EDC3: variants seen among roughly 807,000 people sequenced by gnomAD.
EDC3 encodes enhancer of mRNA-decapping protein 3.
EDC3 carries 20 observed loss-of-function variants against 41.8 expected under a neutral mutation model. That is an observed-to-expected ratio of 0.48 (90% CI 0.34 to 0.70). The LOEUF (loss-of-function observed/expected upper bound fraction) is 0.70. Among genes scored for constraint, EDC3 ranks in the 30% least tolerant of loss-of-function variants. EDC3 has a pLI of 0.01. For synonymous variants in EDC3, 206 were observed against 243.2 expected, an observed-to-expected ratio of 0.85 and a Z score of 1.42; for missense variants, 444 against 636.8, an observed-to-expected ratio of 0.70 and a Z score of 3.26.
At chr15:74,650,413 G>A (rs968486298) in intron 4 of EDC3, among the ~76,000 whole-genome samples, 1 of 152,084 alleles carries the variant, frequency 6.6e-6, no homozygotes, top group African/African-American at 2.4e-5. Context: ...GCCTACCCAT[G>A]AATATCTTCC....
At chr15:74,694,907 G>C (rs1433436519) in intron 1 of EDC3, among the ~76,000 whole-genome samples, 1 of 151,420 alleles carries the variant, frequency 6.6e-6, no homozygotes, top group Non-Finnish European at 1.5e-5. Flanking sequence ...ACATCATACA[G>C]AGAAACTAGC....
chr15:74,685,610 G>A (rs923008133), intron 1 of EDC3, among the ~76,000 whole-genome samples: 2 of 152,134 alleles, frequency 1.3e-5, no homozygotes, highest in African/African-American at 4.8e-5. Flanking sequence ...ATATCTAAAT[G>A]TCTTGGCTCT....
At chr15:74,639,840 A>G (rs2062325731) in intron 5 of EDC3, 1 of 152,170 alleles carries the variant, frequency 6.6e-6, no homozygotes, top group Admixed American at 6.5e-5. Context: ...AGCCTGGGGC[A>G]ATAATATGGC....
chr15:74,640,754 G>A (rs1256209778), intron 4 of EDC3, 135 bp from the exon 5 acceptor site: 56 of 1,087,418 alleles, frequency 5.1e-5, no homozygotes, highest in Admixed American at 1.2e-4. Context: ...TTCATCTTCC[G>A]GGACTAAGGC....
At chr15:74,694,591 C>T (rs1304319073) in intron 1 of EDC3, among the ~76,000 whole-genome samples, 1 of 152,260 alleles carries the variant, frequency 6.6e-6, no homozygotes, top group Non-Finnish European at 1.5e-5. Context: ...CTGGCGTGAG[C>T]CACAGTGCCC....
At chr15:74,691,274 G>A (rs1007453294) in intron 1 of EDC3, among the ~76,000 whole-genome samples, 1 of 152,100 alleles carries the variant, frequency 6.6e-6, no homozygotes, top group African/African-American at 2.4e-5. Flanking sequence ...AGGGAATTAT[G>A]CCAATTATAC....
intron 5 of EDC3, chr15:74,636,925 A>G (rs1003834540): frequency 2.6e-5 from 4 of 151,622 alleles, no homozygotes; most frequent in African/African-American, 9.7e-5. Context: ...GAAGCAGAGC[A>G]TGGCATTCAC....
At chr15:74,670,259 C>T (rs2062724353) in intron 3 of EDC3, among the ~76,000 whole-genome samples, 1 of 151,866 alleles carries the variant, frequency 6.6e-6, no homozygotes, top group Non-Finnish European at 1.5e-5. Flanking sequence ...TTTTTTAAAA[C>T]AACATTCATA....
chr15:74,695,348 C>T (rs1476210911), intron 1 of EDC3: 1 of 152,224 alleles, frequency 6.6e-6, no homozygotes, highest in Non-Finnish European at 1.5e-5. Flanking sequence ...ACAAAGTGTA[C>T]TGAAAAGAAC....
At position 74,683,870 on chromosome 15, in the gene EDC3, A is replaced by G. The variant is rs149948489; in HGVS notation, c.-18-8728T>C. Reference sequence around the variant, plus strand: ...AAGGGGAGGGAAAGCTGGCATCTACAAAACAATTACAGCTAACATGATACT... The same window carrying G: ...AAGGGGAGGGAAAGCTGGCATCTACGAAACAATTACAGCTAACATGATACT... On this transcript the variant is annotated intron_variant, in intron 1 of 6. Transcript: ENST00000315127. 3.3e-5 allele frequency among the ~76,000 whole-genome samples: 5 copies of G among 152,236 alleles called. No individual in the cohort carries two copies. The East Asian group carries it at 9.6e-4, about 29-fold the overall frequency.
intron 1 of EDC3, among the ~76,000 whole-genome samples, chr15:74,689,269 G>A (rs2062974096): frequency 6.6e-6 from 1 of 152,086 alleles, no homozygotes; most frequent in South Asian, 2.1e-4. Flanking sequence ...AGTTCTTTCT[G>A]CTCCTCATCT....
intron 3 of EDC3, 111 bp from the exon 4 acceptor site, chr15:74,656,179 G>A: frequency 9.5e-7 from 1 of 1,052,770 alleles, no homozygotes; most frequent in Non-Finnish European, 1.4e-6. Context: ...TGTGAAAATG[G>A]TAAAGGTAAC....
intron 4 of EDC3, 157 bp from the exon 5 acceptor site, chr15:74,640,776 C>A: frequency 3.1e-5 from 25 of 804,748 alleles, no homozygotes; most frequent in Non-Finnish European, 4.1e-5. Context: ...CGCTCTGCAG[C>A]TCTGCAGAGC....
intron 1 of EDC3, among the ~76,000 whole-genome samples, chr15:74,683,781 A>G (rs1049827914): frequency 6.6e-6 from 1 of 152,224 alleles, no homozygotes; most frequent in Non-Finnish European, 1.5e-5. Flanking sequence ...AATCATGTAT[A>G]ATCATATCAA....
intron 4 of EDC3, chr15:74,641,872 A>G (rs182176221): frequency 6.5e-6 from 1 of 152,878 alleles, no homozygotes; most frequent in East Asian, 1.9e-4. Flanking sequence ...AGACATATAA[A>G]TGATGCAAAC....
rs1596326034 is a variant in EDC3 at position 74,675,164 on chromosome 15, C to G, written c.-18-22G>C. On this transcript the variant is annotated intron_variant, in intron 1 of 6. Coordinates refer to ENST00000315127, the MANE Select transcript of EDC3 (RefSeq NM_025083.5). ...ACCACTGTGAAGAGAAGGAACTATT[C>G]AGTGTGCCTTGGTGAAAAGACAAAC... is the stretch of plus-strand genomic sequence containing the variant. 3 of 1,604,264 alleles carry G rather than the reference C, an allele frequency of 1.9e-6. No individual in the cohort carries two copies. In the East Asian group the frequency reaches 6.7e-5, roughly 36 times the overall value.
chr15:74,658,626 A>AG (rs1228689723), intron 3 of EDC3, among the ~76,000 whole-genome samples: 2 of 91,074 alleles, frequency 2.2e-5, no homozygotes, highest in Non-Finnish European at 3.9e-5. Flanking sequence ...ACGTCTCTGA[A>AG]AAAAAAAAAA....
At chr15:74,694,917 C>G (rs547253716) in intron 1 of EDC3, among the ~76,000 whole-genome samples, 1 of 150,760 alleles carries the variant, frequency 6.6e-6, no homozygotes, top group East Asian at 1.9e-4. Context: ...GAGAAACTAG[C>G]TAAGAGGATT....
At chr15:74,679,646 T>G (rs1596329262) in intron 1 of EDC3, among the ~76,000 whole-genome samples, 1 of 150,154 alleles carries the variant, frequency 6.7e-6, no homozygotes, top group Admixed American at 6.7e-5. Flanking sequence ...TGATCCAGGC[T>G]CAGTGGCTCA....
Sources: allele counts gnomAD v4.1 joint callset (sites outside exome capture counted in the v4.1 genomes callset), GRCh38; gene constraint gnomAD v4.1.1; transcripts MANE v1.5; gene names NCBI Gene and HGNC (gene_info 2026-07-23, HGNC 2026-07-21).